ESR1: variants seen among roughly 807,000 people sequenced by gnomAD.
The protein encoded by ESR1 is estrogen receptor.
ESR1 carries 12 observed loss-of-function variants against 52.7 expected under a neutral mutation model. That is an observed-to-expected ratio of 0.23 (90% CI 0.15 to 0.37). The LOEUF (loss-of-function observed/expected upper bound fraction) is 0.37. Ranked by LOEUF, ESR1 falls within the 10% of genes least tolerant of loss-of-function variation. ESR1 has a pLI of 1.00. For missense variants in ESR1, 584 were observed against 779.7 expected (o/e 0.75, Z 2.99); for synonymous variants, 305 against 316.8 (o/e 0.96, Z 0.39).
At chr6:152,090,818 G>A (rs540603597) in intron 6 of ESR1, among the ~76,000 whole-genome samples, 11 of 152,292 alleles carry the variant, frequency 7.2e-5, no homozygotes, top group South Asian at 2.1e-4. Flanking sequence ...GGGTGTCCTC[G>A]TGGCTTCACT....
intron 2 of ESR1, among the ~76,000 whole-genome samples, chr6:151,717,932 G>C (rs573421441): frequency 1.0e-3 from 152 of 152,270 alleles, no homozygotes; most frequent in Non-Finnish European, 1.6e-3. Context: ...AAGGAGCAAA[G>C]GTGCTGGGGA....
In ESR1 at chr6:151,944,308, A is replaced by G. The variant is rs77797873; in HGVS notation, c.896A>G (p.Lys299Arg). ...CTTTGGCCAAGCCCGCTCATGATCA[A>G]ACGCTCTAAGAAGAACAGCCTGGCC... The part of the protein sequence containing the change: ...ANLWPSPLMI[K>R]RSKKNSLALS... Residue 299 changes from lysine to arginine, a missense_variant, in exon 4 of 8, where the codon AAA becomes AGA. Lys to Arg is a conservative substitution (Grantham distance 26, BLOSUM62 2). Transcript: ENST00000206249. 2,339 of 1,614,190 alleles carry G rather than the reference A, an allele frequency of 1.4e-3. 2 individuals are homozygous for G. The highest frequency in any genetic ancestry group is 1.9e-3 in the Non-Finnish European group (2,186 of 1,180,024).
intron 4 of ESR1, among the ~76,000 whole-genome samples, chr6:151,951,083 A>G (rs762356156): frequency 2.6e-5 from 4 of 152,102 alleles, no homozygotes; most frequent in East Asian, 1.9e-4. Flanking sequence ...AAGTTAATTT[A>G]TAATTGTTAA....
intron 2 of ESR1, among the ~76,000 whole-genome samples, chr6:151,861,140 T>C (rs1218017538): frequency 1.3e-5 from 2 of 152,226 alleles, no homozygotes; most frequent in Non-Finnish European, 2.9e-5. Context: ...GTATAAATTA[T>C]TAAAATATCC....
chr6:152,100,473 ACCT>A lies in ESR1; in HGVS notation c.*1508_*1510del, dbSNP rs561057655. The A allele has an allele frequency of 9.9e-4, 239 of 240,856 alleles. No homozygotes were observed. The highest frequency in any genetic ancestry group is 4.9e-3 in the African/African-American group (222 of 45,338). The allele number at this position is 240,856 out of a possible 1,614,324, so 14.9% of individuals were successfully genotyped here. A position where few individuals can be genotyped will look rare whatever the true frequency, so the allele number is the denominator to read the frequency against. On this transcript the variant is annotated 3_prime_UTR_variant, in exon 8 of 8. Transcript: ENST00000206249. ...AGCTCATTTCCTTCAATTTCCTTTG[ACCT>A]ATAGGCTAAAAAAGAAAGGCTCATT... is the stretch of plus-strand genomic sequence containing the variant.
rs1230376437 is a variant in ESR1 at position 152,053,963 on chromosome 6, G to A, written c.1236-7028G>A. Among the ~76,000 whole-genome samples the A allele has an allele frequency of 6.6e-6, 1 of 152,064 alleles. No homozygotes were observed. Among genetic ancestry groups the A allele is most frequent in the East Asian group, 1.9e-4 (1 of 5,172 alleles). On this transcript the variant is annotated intron_variant, in intron 5 of 7. Transcript: ENST00000206249. This position sits in a 1 kb window ranked among gnomAD's most constrained non-coding sequence, Gnocchi z 4.1. The stretch of plus-strand genomic sequence containing the variant: ...GCTGAAAATTACAAATAATATAAAT[G>A]CCTATAATCAGAGCAGTTAAATACA...
intron 2 of ESR1, among the ~76,000 whole-genome samples, chr6:151,711,104 T>A (rs1292624907): frequency 6.6e-6 from 1 of 152,218 alleles, no homozygotes; most frequent in Non-Finnish European, 1.5e-5. Flanking sequence ...TTTCTAGTTC[T>A]AGATCCTTGA....
chr6:152,104,351 C>G (rs1326024512), downstream of ESR1, among the ~76,000 whole-genome samples: 3 of 152,078 alleles, frequency 2.0e-5, no homozygotes, highest in Admixed American at 1.3e-4. Context: ...TAGCACTTAC[C>G]CTATAGCAGT....
intron 4 of ESR1, among the ~76,000 whole-genome samples, chr6:151,997,760 GTTCAC>G (rs1255584866): frequency 6.6e-6 from 1 of 152,078 alleles, no homozygotes; most frequent in Non-Finnish European, 1.5e-5. Context: ...TTTAAATCGT[GTTCAC>G]TTTGCTAAAA....
chr6:151,928,221 C>T (rs2033056230), intron 3 of ESR1, among the ~76,000 whole-genome samples: 1 of 152,134 alleles, frequency 6.6e-6, no homozygotes, highest in Admixed American at 6.5e-5. Flanking sequence ...TATCATAAGT[C>T]TTTTGACTTA....
chr6:152,128,375 C>G (rs376535429), exon 7 of ESR1: 8 of 152,326 alleles, frequency 5.3e-5, no homozygotes, highest in East Asian at 3.9e-4. Flanking sequence ...TGATATACTG[C>G]AAGTCTTTTA....
At chr6:152,060,764 TAAG>T (rs1041736158) in intron 5 of ESR1, among the ~76,000 whole-genome samples, 12 of 152,208 alleles carry the variant, frequency 7.9e-5, no homozygotes, top group African/African-American at 2.7e-4. Flanking sequence ...CTACCTCTTC[TAAG>T]AAGTTGAAAT....
At chr6:151,984,560 A>G (rs2040279482) in intron 4 of ESR1, among the ~76,000 whole-genome samples, 1 of 152,160 alleles carries the variant, frequency 6.6e-6, no homozygotes, top group South Asian at 2.1e-4. Flanking sequence ...GCTGTGTCTG[A>G]GTAGACAGTC....
chr6:151,753,299 A>C (rs1201816325), intron 2 of ESR1, among the ~76,000 whole-genome samples: 1 of 151,010 alleles, frequency 6.6e-6, no homozygotes, highest in East Asian at 1.9e-4. Flanking sequence ...AGTTATTCTC[A>C]AAATGGGTTA....
At chr6:151,781,852 T>A (rs1786574717) in intron 2 of ESR1, among the ~76,000 whole-genome samples, 1 of 152,254 alleles carries the variant, frequency 6.6e-6, no homozygotes, top group African/African-American at 2.4e-5. Context: ...CAAAATAAAT[T>A]TACAGTGGGA....
At chr6:152,085,640 C>T (rs2049646731) in intron 6 of ESR1, among the ~76,000 whole-genome samples, 1 of 152,066 alleles carries the variant, frequency 6.6e-6, no homozygotes, top group African/African-American at 2.4e-5. Context: ...TCTGATATCC[C>T]AGCATAGGAC....
At chr6:151,852,236 T>A (rs1786894021) in intron 2 of ESR1, among the ~76,000 whole-genome samples, 1 of 152,164 alleles carries the variant, frequency 6.6e-6, no homozygotes. Context: ...AGAAACAGAA[T>A]CAGCTCTCTG....
intron 2 of ESR1, among the ~76,000 whole-genome samples, chr6:151,745,554 C>T (rs1783420832): frequency 6.6e-6 from 1 of 152,034 alleles, no homozygotes; most frequent in African/African-American, 2.4e-5. Flanking sequence ...TAATCATAAT[C>T]ATTAAGTTAT....
chr6:152,010,898 C>T (rs1426599472), intron 4 of ESR1, among the ~76,000 whole-genome samples: 1 of 147,958 alleles, frequency 6.8e-6, no homozygotes, highest in Admixed American at 6.6e-5. Context: ...CTTCTTCTTC[C>T]TCCTCCTCCT....
Sources: gnomAD v4.1 joint callset for allele counts (sites outside exome capture counted in the v4.1 genomes callset) on GRCh38, gnomAD v4.1.1 for gene constraint, Gnocchi (gnomAD v3.1) non-coding constraint, MANE v1.5 for transcripts, NCBI Gene and HGNC (gene_info 2026-07-23, HGNC 2026-07-21) for gene names.